Variants in EDNRA observed in about 807,000 individuals in gnomAD.
The protein encoded by EDNRA is endothelin receptor type A, also known as endothelin-1 receptor.
In EDNRA, 11 loss-of-function variants were observed where a neutral mutation model predicts 41.4. The observed-to-expected ratio is 0.27, with a 90% CI of 0.17 to 0.44. The LOEUF is 0.44. Ranked by LOEUF, EDNRA falls within the 20% of genes least tolerant of loss-of-function variation. EDNRA has a pLI of 1.00. For synonymous variants in EDNRA, 172 were observed against 183.0 expected (o/e 0.94, Z 0.49); for missense variants, 294 against 531.0 (o/e 0.55, Z 4.39).
intron 2 of EDNRA, among the ~76,000 whole-genome samples, chr4:147,487,122 T>G (rs1260178724): frequency 6.6e-6 from 1 of 151,992 alleles, no homozygotes; most frequent in Non-Finnish European, 1.5e-5. Flanking sequence ...CCACCAGATG[T>G]CTCGAGAATC....
chr4:147,537,448 G>A (rs1439313607), intron 5 of EDNRA, among the ~76,000 whole-genome samples: 3 of 152,124 alleles, frequency 2.0e-5, no homozygotes, highest in Non-Finnish European at 4.4e-5. Context: ...TCTTGGAATG[G>A]AGGTAGTTAG....
intron 2 of EDNRA, among the ~76,000 whole-genome samples, chr4:147,500,232 T>G (rs1345729384): frequency 2.6e-5 from 4 of 152,220 alleles, no homozygotes; most frequent in Admixed American, 2.6e-4. Flanking sequence ...TGAATTTTCT[T>G]ACCTCTATGC....
At chr4:147,540,771 C>G (rs1466030291) in intron 7 of EDNRA, among the ~76,000 whole-genome samples, 1 of 152,084 alleles carries the variant, frequency 6.6e-6, no homozygotes, top group South Asian at 2.1e-4. Flanking sequence ...AATGTATGCT[C>G]CAGGCCACAG....
intron 2 of EDNRA, among the ~76,000 whole-genome samples, chr4:147,497,762 C>T (rs1389945263): frequency 1.3e-5 from 2 of 152,038 alleles, no homozygotes; most frequent in Non-Finnish European, 2.9e-5. Context: ...TTAGTAGAGA[C>T]GAGGTTTCAC....
At chr4:147,540,580 A>G (rs779239812) in intron 7 of EDNRA, 95 bp downstream of exon 7, 306 of 807,030 alleles carry the variant, frequency 3.8e-4, no homozygotes, top group Non-Finnish European at 4.8e-4. Context: ...TATTACTTTG[A>G]TCAGCTATAC....
intron 2 of EDNRA, among the ~76,000 whole-genome samples, chr4:147,513,042 A>G (rs536627021): frequency 6.6e-6 from 1 of 152,316 alleles, no homozygotes; most frequent in South Asian, 2.1e-4. Context: ...AGAGAAAACT[A>G]ACAGGCACAA....
intron 5 of EDNRA, among the ~76,000 whole-genome samples, chr4:147,536,340 C>CA (rs984647619): frequency 2.0e-5 from 3 of 152,028 alleles, no homozygotes; most frequent in African/African-American, 4.8e-5. Context: ...TACCAGGACA[C>CA]AAAAAAGCAT....
intron 3 of EDNRA, among the ~76,000 whole-genome samples, chr4:147,527,592 G>A (rs954902725): frequency 2.0e-5 from 3 of 152,090 alleles, no homozygotes; most frequent in Admixed American, 2.0e-4. Flanking sequence ...ATGTTTTAAA[G>A]TTCTTTCAAG....
chr4:147,484,527 A>G lies in EDNRA; in HGVS notation c.-70-1085A>G, dbSNP rs147979664. Among the ~76,000 whole-genome samples, 694 of 152,308 alleles carry G rather than the reference A, an allele frequency of 4.6e-3. 5 individuals carry two copies. Among genetic ancestry groups the G allele is most frequent in the Non-Finnish European group, 7.3e-3 (494 of 68,018 alleles). On this transcript the variant is annotated intron_variant, in intron 1 of 7. Transcript: ENST00000651419. The stretch of plus-strand genomic sequence containing the variant: ...CACCCTCCTGGGCCTCTGTTTCCCT[A>G]TCTTCAAAATTGAACCGTGGATCTA...
rs745548609 is a variant in EDNRA, at chr4:147,542,663, G to GA, written c.*52dup. ...TCGGTACTCCCATAATCCTCTCGGAGAAAAAAATCACAAGGCAACTGTGAG... is the reference window on the plus strand; with the variant it reads ...TCGGTACTCCCATAATCCTCTCGGAGAAAAAAAATCACAAGGCAACTGTGAG... On this transcript the variant is annotated 3_prime_UTR_variant, in exon 8 of 8. Coordinates refer to ENST00000651419, the MANE Select transcript of EDNRA (RefSeq NM_001957.4). The GA allele has an allele frequency of 3.0e-5, 47 of 1,589,532 alleles. No homozygotes were observed. The highest frequency in any genetic ancestry group is 2.6e-4 in the African/African-American group (19 of 74,094).
intron 2 of EDNRA, chr4:147,492,073 T>C (rs533517045): frequency 6.6e-6 from 1 of 152,494 alleles, no homozygotes; most frequent in Admixed American, 6.5e-5. Flanking sequence ...TCCACTTTAT[T>C]CCTTGGATCT....
At chr4:147,516,180 C>T (rs1184586899) in intron 2 of EDNRA, among the ~76,000 whole-genome samples, 1 of 152,178 alleles carries the variant, frequency 6.6e-6, no homozygotes, top group Non-Finnish European at 1.5e-5. Flanking sequence ...ACATGATGTA[C>T]ATTTAGACCA....
intron 2 of EDNRA, among the ~76,000 whole-genome samples, chr4:147,510,966 A>G (rs1485551299): frequency 1.3e-5 from 2 of 152,236 alleles, no homozygotes; most frequent in South Asian, 2.1e-4. Flanking sequence ...CAGAGCTGGT[A>G]GAGAATTCAG....
intron 7 of EDNRA, among the ~76,000 whole-genome samples, chr4:147,541,378 T>C (rs1351359067): frequency 6.6e-6 from 1 of 152,128 alleles, no homozygotes; most frequent in Non-Finnish European, 1.5e-5. Context: ...TAGCTTATGG[T>C]ACATATGAGG....
chr4:147,498,216 C>T (rs1288266809), intron 2 of EDNRA, among the ~76,000 whole-genome samples: 1 of 152,204 alleles, frequency 6.6e-6, no homozygotes, highest in African/African-American at 2.4e-5. Flanking sequence ...TTTTTGCAAT[C>T]TCATGAATAA....
At position 147,484,605 on chromosome 4, in the gene EDNRA, G is replaced by A. The variant is rs376278815; in HGVS notation, c.-70-1007G>A. ...GGGCATCATGCACATATAGTACTGA[G>A]TACAGTGACTGGCATAAAATAAATG... is the stretch of plus-strand genomic sequence containing the variant. On this transcript the variant is annotated intron_variant, in intron 1 of 7. Transcript: ENST00000651419. Among the ~76,000 whole-genome samples the A allele has an allele frequency of 2.8e-4, 43 of 152,294 alleles. No homozygotes were observed. In the South Asian group the frequency reaches 8.5e-3, roughly 30 times the overall value.
At chr4:147,507,646 G>A (rs1729767268) in intron 2 of EDNRA, among the ~76,000 whole-genome samples, 1 of 152,084 alleles carries the variant, frequency 6.6e-6, no homozygotes, top group South Asian at 2.1e-4. Context: ...ACCTACACAT[G>A]TTACTCAATT....
chr4:147,540,323 C>A, intron 6 of EDNRA, 54 bp from the exon 7 acceptor site: 1 of 1,342,486 alleles, frequency 7.4e-7, no homozygotes, highest in South Asian at 1.3e-5. Context: ...TGCTAGTGAG[C>A]AGATTTTAAA....
chr4:147,520,327 A>C, intron 3 of EDNRA: 1 of 497,020 alleles, frequency 2.0e-6, no homozygotes, highest in Non-Finnish European at 4.0e-6. Context: ...TTATCATAAA[A>C]AAAGATACTG....
Sources: allele counts gnomAD v4.1 joint callset (sites outside exome capture counted in the v4.1 genomes callset), GRCh38; gene constraint gnomAD v4.1.1; transcripts MANE v1.5; gene names NCBI Gene and HGNC (gene_info 2026-07-23, HGNC 2026-07-21).